STX11: variants seen among roughly 807,000 people sequenced by gnomAD.
The protein encoded by STX11 is syntaxin-11.
Under a neutral mutation model 19.9 loss-of-function variants are expected in STX11, and 21 were observed. The ratio of observed to expected loss-of-function variants is 1.06; its 90% confidence interval spans 0.75 to 1.52. STX11 has a LOEUF of 1.52. Ranked by LOEUF, STX11 falls within the 40% of genes most tolerant of loss-of-function variation. The probability of loss-of-function intolerance (pLI) is 0.00; values close to 1 mark genes in which losing one functional copy is unlikely to be tolerated. For synonymous variants in STX11, 193 were observed against 174.4 expected, an observed-to-expected ratio of 1.11 and a Z score of -0.84; for missense variants, 438 against 405.9, an observed-to-expected ratio of 1.08 and a Z score of -0.68.
intron 1 of STX11, among the ~76,000 whole-genome samples, chr6:144,186,003 T>C (rs1239683414): frequency 6.6e-6 from 1 of 151,802 alleles, no homozygotes; most frequent in Non-Finnish European, 1.5e-5. Context: ...GCCTTGTAGA[T>C]TATCCTCAAT....
rs1363895876 is a variant in STX11 at position 144,167,479 on chromosome 6, C to CATTG, written c.-6+16778_-6+16781dup. Among the ~76,000 whole-genome samples, 9 of 152,186 alleles carry CATTG rather than the reference C, an allele frequency of 5.9e-5. No individual in the cohort carries two copies. The highest frequency in any genetic ancestry group is 1.2e-4 in the Non-Finnish European group (8 of 68,044). On this transcript the variant is annotated intron_variant, in intron 1 of 1. Coordinates refer to ENST00000367568, the MANE Select transcript of STX11 (RefSeq NM_003764.4). This position sits in a 1 kb window ranked among gnomAD's most constrained non-coding sequence, Gnocchi z 5.0. Reference sequence around the variant, plus strand: ...TATTGTGCATGACAAAGTTTATGTACATTGAACCATCAGAAAACAAAGGTG... The same window carrying CATTG: ...TATTGTGCATGACAAAGTTTATGTACATTGATTGAACCATCAGAAAACAAAGGTG...
rs148354227 is a variant in STX11, at chr6:144,187,197, C to G, written c.570C>G (p.Ser190=). ...AGCAGGGTAAGTGGGACGTGTTTTC[C>G]GAGAACTTGCTGGCCGACGTGAAGG... The part of the protein sequence containing the change: ...MFEQGKWDVF[S]ENLLADVKGA... The change falls in exon 2 of 2, where the codon TCC becomes TCG. Residue 190 remains serine (S), a synonymous_variant. Transcript: ENST00000367568. The surrounding 1 kb of genome is among the most constrained non-coding windows in gnomAD (Gnocchi z 5.6). The G allele has an allele frequency of 1.2e-6, 2 of 1,613,982 alleles. No homozygotes were observed. The highest frequency in any genetic ancestry group is 8.5e-7 in the Non-Finnish European group (1 of 1,180,002).
rs1032518098 is a variant in STX11, at chr6:144,183,622, C to CT, written c.-5-2993dup. On this transcript the variant is annotated intron_variant, in intron 1 of 1. Transcript: ENST00000367568. This position sits in a 1 kb window ranked among gnomAD's most constrained non-coding sequence, Gnocchi z 4.6. ...GACACCACAGGAGTTTTAAATTAGA[C>CT]TTTTTTTTAATCTAGAAAAAAAATT... 5.9e-5 allele frequency among the ~76,000 whole-genome samples: 9 copies of CT among 152,084 alleles called. No homozygotes were observed. Among genetic ancestry groups the CT allele is most frequent in the African/African-American group, 1.7e-4 (7 of 41,500 alleles).
rs1232458828 is a variant in STX11, at chr6:144,183,828, C to T, written c.-5-2795C>T. 6.6e-6 allele frequency among the ~76,000 whole-genome samples: 1 copy of T among 152,138 alleles called. No individual in the cohort carries two copies. The highest frequency in any genetic ancestry group is 2.4e-5 in the African/African-American group (1 of 41,430). On this transcript the variant is annotated intron_variant, in intron 1 of 1. Transcript: ENST00000367568. The surrounding 1 kb of genome is among the most constrained non-coding windows in gnomAD (Gnocchi z 4.6). ...TGGTTTGCTGCACAGATCATCCCAT[C>T]ACCTAGGTTTTAAGCTCAGCATGCA...
At chr6:144,171,148 A>G (rs1801619925) in intron 1 of STX11, among the ~76,000 whole-genome samples, 1 of 152,222 alleles carries the variant, frequency 6.6e-6, no homozygotes, top group South Asian at 2.1e-4. Context: ...AGATCTGGAT[A>G]TGTCTCCACA....
At position 144,176,263 on chromosome 6, in the gene STX11, A is replaced by T. The variant is rs1228388020; in HGVS notation, c.-5-10360A>T. On this transcript the variant is annotated intron_variant, in intron 1 of 1. Transcript: ENST00000367568. This position sits in a 1 kb window ranked among gnomAD's most constrained non-coding sequence, Gnocchi z 4.1. ...CCCCCAACAGCTTCAGTGCATGATT[A>T]AGTGGAAAGGGCATGAACTCAGGAC... Among the ~76,000 whole-genome samples the T allele has an allele frequency of 6.6e-6, 1 of 152,114 alleles. No individual in the cohort carries two copies. Among genetic ancestry groups the T allele is most frequent in the Non-Finnish European group, 1.5e-5 (1 of 68,014 alleles).
At chr6:144,161,489 T>A (rs1801337219) in intron 1 of STX11, among the ~76,000 whole-genome samples, 1 of 152,230 alleles carries the variant, frequency 6.6e-6, no homozygotes, top group Admixed American at 6.5e-5. Flanking sequence ...TGCCTCAGCC[T>A]CCCTAGTAGC....
Position 144,186,978 on chromosome 6 carries a change from G to A in STX11, c.351G>A (p.Gln117=), listed in dbSNP as rs1374196194. Residue 117 remains glutamine (Q), a synonymous_variant, in exon 2 of 2, where the codon CAG becomes CAA. Transcript: ENST00000367568. ...AGCTGAGCGAGGCGGCTGAGGCCCA[G>A]CACGGCCCGCACTCGGCAGTGGCGC... is the stretch of plus-strand genomic sequence containing the variant. ...MKELSEAAEA[Q]HGPHSAVARI... 2 of 1,608,874 alleles carry A rather than the reference G, an allele frequency of 1.2e-6. No homozygotes were observed. Among genetic ancestry groups the A allele is most frequent in the Admixed American group, 1.7e-5 (1 of 59,938 alleles).
In STX11 at chr6:144,186,956, T is replaced by C. The variant is rs750351134; in HGVS notation, c.329T>C (p.Leu110Pro). Residue 110 changes from leucine (L) to proline (P), a missense_variant, in exon 2 of 2, where the codon CTG (leucine) becomes CCG (proline). Coordinates refer to ENST00000367568, the MANE Select transcript of STX11 (RefSeq NM_003764.4). ...IHCKLRAMKE[L>P]SEAAEAQHGP... ...TGCAAGCTGCGCGCCATGAAGGAGC[T>C]GAGCGAGGCGGCTGAGGCCCAGCAC... 5 of 1,609,308 alleles carry C rather than the reference T, an allele frequency of 3.1e-6. No individual in the cohort carries two copies. In the South Asian group the frequency reaches 5.5e-5, roughly 18 times the overall value.
rs1802112323 is a variant in STX11, at chr6:144,188,131, T to A, written c.*640T>A. 2 of 240,500 alleles carry A rather than the reference T, an allele frequency of 8.3e-6. No homozygotes were observed. The highest frequency in any genetic ancestry group is 1.8e-5 in the Non-Finnish European group (2 of 113,828). 14.9% of individuals were successfully genotyped at this position (240,500 alleles called of 1,614,324 possible). On this transcript the variant is annotated 3_prime_UTR_variant, in exon 2 of 2. Coordinates refer to ENST00000367568, the MANE Select transcript of STX11 (RefSeq NM_003764.4). ...TATCTTTCACCAGGTTATATTTTGG[T>A]ATTATTTTTCCAAACATTTTTAAGC...
intron 1 of STX11, among the ~76,000 whole-genome samples, chr6:144,179,300 CATT>C (rs1300984089): frequency 6.6e-6 from 1 of 152,150 alleles, no homozygotes; most frequent in Non-Finnish European, 1.5e-5. Flanking sequence ...ATGGGAGTAC[CATT>C]CAAGATGAGA....
At chr6:144,142,495 T>G in the STX11 span, among the ~76,000 whole-genome samples, 1 of 152,194 alleles carries the variant, frequency 6.6e-6, no homozygotes, top group Non-Finnish European at 1.5e-5. Flanking sequence ...ATTTAAAACT[T>G]TAACAATTAA....
chr6:144,149,096 G>A (rs1283849428), upstream of STX11, among the ~76,000 whole-genome samples: 1 of 152,200 alleles, frequency 6.6e-6, no homozygotes, highest in Non-Finnish European at 1.5e-5. The surrounding 1 kb of genome is among the most constrained non-coding windows in gnomAD (Gnocchi z 5.1). Flanking sequence ...CACGATTGTT[G>A]ACGTTGGCTT....
chr6:144,171,226 T>C (rs1801622625), intron 1 of STX11, among the ~76,000 whole-genome samples: 1 of 152,216 alleles, frequency 6.6e-6, no homozygotes, highest in Non-Finnish European at 1.5e-5. Flanking sequence ...AGTTCTAAAC[T>C]GATTCTACAG....
chr6:144,147,768 T>G (rs541433659), upstream of STX11, among the ~76,000 whole-genome samples: 4 of 152,246 alleles, frequency 2.6e-5, no homozygotes, highest in African/African-American at 9.6e-5. This position sits in a 1 kb window ranked among gnomAD's most constrained non-coding sequence, Gnocchi z 4.2. Context: ...CAGCTGAGCA[T>G]GGTAACTGAT....
chr6:144,140,884 C>A, the STX11 span: 2 of 715,154 alleles, frequency 2.8e-6, no homozygotes, highest in Non-Finnish European at 3.4e-6. Context: ...CAGAATATGG[C>A]TATACAAATG....
rs1207310735 is a variant in STX11, at chr6:144,157,245, AG to A, written c.-6+6544del. On this transcript the variant is annotated intron_variant, in intron 1 of 1. Transcript: ENST00000367568. The stretch of plus-strand genomic sequence containing the variant: ...ATGCACAACAGCGGCCTCAACAGGG[AG>A]GAGCTTGGAAGCTGGGATTGTTGTT... 1.5e-4 allele frequency among the ~76,000 whole-genome samples: 23 copies of A among 152,318 alleles called. 1 individual carries two copies. The East Asian group carries it at 4.2e-3, about 28-fold the overall frequency.
chr6:144,147,389 C>CT (rs1448161594), upstream of STX11, among the ~76,000 whole-genome samples: 1 of 152,122 alleles, frequency 6.6e-6, no homozygotes, highest in Non-Finnish European at 1.5e-5. The surrounding 1 kb of genome is among the most constrained non-coding windows in gnomAD (Gnocchi z 4.2). Flanking sequence ...GTTAATTGTT[C>CT]TTTTTTACAA....
intron 1 of STX11, among the ~76,000 whole-genome samples, chr6:144,156,889 C>T (rs1326239647): frequency 6.6e-6 from 1 of 152,096 alleles, no homozygotes; most frequent in Admixed American, 6.5e-5. Flanking sequence ...TCTGTTAATT[C>T]TCATAACAGC....
Sources: allele counts gnomAD v4.1 joint callset (sites outside exome capture counted in the v4.1 genomes callset), GRCh38; gene constraint gnomAD v4.1.1; non-coding constraint Gnocchi (gnomAD v3.1); transcripts MANE v1.5; gene names NCBI Gene and HGNC (gene_info 2026-07-23, HGNC 2026-07-21).